NELL1: variants seen among roughly 807,000 people sequenced by gnomAD.
NELL1 encodes protein kinase C-binding protein NELL1.
Under a neutral mutation model 107.4 loss-of-function variants are expected in NELL1, and 76 were observed. The ratio of observed to expected loss-of-function variants is 0.71; its 90% CI spans 0.59 to 0.86. The LOEUF (loss-of-function observed/expected upper bound fraction) is 0.86. NELL1 is among the 40% of genes least tolerant of loss of function. The probability of loss-of-function intolerance (pLI) is 0.00; values close to 1 mark genes in which losing one functional copy is unlikely to be tolerated. For missense variants in NELL1, 1,024 were observed against 1,005.5 expected, an observed-to-expected ratio of 1.02 and a Z score of -0.25; for synonymous variants, 353 against 341.2, an observed-to-expected ratio of 1.03 and a Z score of -0.38.
chr11:21,023,430 T>C (rs1852745659), intron 12 of NELL1, among the ~76,000 whole-genome samples: 1 of 152,108 alleles, frequency 6.6e-6, no homozygotes. Flanking sequence ...GATTCAAAAT[T>C]ATGTGAATCT....
At position 21,534,415 on chromosome 11, in the gene NELL1, C is replaced by T. The variant is rs1282354963; in HGVS notation, c.1687C>T (p.His563Tyr). Residue 563 changes from histidine (H) to tyrosine (Y), a missense_variant, in exon 16 of 20, where the codon CAT becomes TAT. His to Tyr is a moderately conservative substitution (Grantham distance 83). Transcript: ENST00000357134. ...CSEGIIECHN[H>Y]SRCVNLPGWY... ...AGAGGGAATCATTGAGTGCCACAAC[C>T]ATTCCCGCTGCGTTAACCTGCCAGG... 4 of 1,613,864 alleles carry T rather than the reference C, an allele frequency of 2.5e-6. No homozygotes were observed. Among genetic ancestry groups the T allele is most frequent in the Admixed American group, 1.7e-5 (1 of 59,994 alleles).
chr11:21,348,313 TTTAG>T (rs1461404542), intron 14 of NELL1, among the ~76,000 whole-genome samples: 2 of 152,164 alleles, frequency 1.3e-5, no homozygotes, highest in East Asian at 1.9e-4. Flanking sequence ...TTGACATCCT[TTTAG>T]TTAGTCACTG....
At chr11:21,051,981 CAG>C (rs1853504211) in intron 12 of NELL1, among the ~76,000 whole-genome samples, 1 of 152,036 alleles carries the variant, frequency 6.6e-6, no homozygotes, top group Non-Finnish European at 1.5e-5. Flanking sequence ...AAAAATACAG[CAG>C]AGTCAGGGAG....
At chr11:21,249,130 G>C (rs911529126) in intron 14 of NELL1, among the ~76,000 whole-genome samples, 6 of 152,122 alleles carry the variant, frequency 3.9e-5, no homozygotes, top group African/African-American at 1.2e-4. Context: ...ACTGCTTGTA[G>C]GGTAACTCAG....
chr11:21,159,109 A>G (rs1856307366), intron 13 of NELL1, among the ~76,000 whole-genome samples: 1 of 152,150 alleles, frequency 6.6e-6, no homozygotes, highest in Non-Finnish European at 1.5e-5. Context: ...CTTCTCTGCC[A>G]GAGTGTCCAT....
At chr11:21,515,451 A>G (rs144843958) in intron 15 of NELL1, among the ~76,000 whole-genome samples, 187 of 152,308 alleles carry the variant, frequency 1.2e-3, no homozygotes, top group African/African-American at 4.4e-3. Context: ...ACCTGCCACT[A>G]ACTTTCTTCT....
intron 12 of NELL1, among the ~76,000 whole-genome samples, chr11:21,013,186 A>G (rs769739536): frequency 1.3e-5 from 2 of 152,192 alleles, no homozygotes; most frequent in African/African-American, 2.4e-5. Flanking sequence ...TTTTACTGTC[A>G]CAATTTTATC....
intron 2 of NELL1, among the ~76,000 whole-genome samples, chr11:20,693,164 T>G (rs1371981607): frequency 6.6e-6 from 1 of 151,986 alleles, no homozygotes; most frequent in Non-Finnish European, 1.5e-5. Flanking sequence ...TCCTTTTATT[T>G]TGAGCCTATG....
intron 12 of NELL1, among the ~76,000 whole-genome samples, chr11:21,007,698 G>A (rs1467462903): frequency 6.6e-6 from 1 of 151,940 alleles, no homozygotes; most frequent in African/African-American, 2.4e-5. Flanking sequence ...ACTTGCAATT[G>A]TAGGTGCTAT....
chr11:21,069,063 C>A (rs1268793287), intron 12 of NELL1, among the ~76,000 whole-genome samples: 3 of 152,146 alleles, frequency 2.0e-5, no homozygotes, highest in Non-Finnish European at 2.9e-5. Context: ...CTTGTGGAAA[C>A]ACTCCATTTG....
chr11:20,726,559 C>T (rs1346642601), intron 2 of NELL1, among the ~76,000 whole-genome samples: 1 of 151,930 alleles, frequency 6.6e-6, no homozygotes, highest in African/African-American at 2.4e-5. Context: ...AAAAAAAACA[C>T]TCAATATTAT....
intron 4 of NELL1, among the ~76,000 whole-genome samples, chr11:20,858,304 G>A (rs1441041996): frequency 3.9e-5 from 6 of 152,160 alleles, no homozygotes; most frequent in Admixed American, 2.6e-4. Context: ...TCTAGCCAGA[G>A]CACTGCTGCT....
intron 13 of NELL1, among the ~76,000 whole-genome samples, chr11:21,187,128 T>C (rs1007630732): frequency 6.6e-6 from 1 of 151,938 alleles, no homozygotes; most frequent in African/African-American, 2.4e-5. Context: ...TTTTGTCCAT[T>C]TGCACTAAAG....
chr11:20,948,411 C>T (rs1313332571), intron 11 of NELL1, among the ~76,000 whole-genome samples: 1 of 151,844 alleles, frequency 6.6e-6, no homozygotes, highest in African/African-American at 2.4e-5. Context: ...TACATGTGAT[C>T]TTTTGATACA....
chr11:20,971,265 T>G (rs1044548067), intron 12 of NELL1, among the ~76,000 whole-genome samples: 2 of 152,150 alleles, frequency 1.3e-5, no homozygotes, highest in African/African-American at 4.8e-5. Flanking sequence ...ATTTTAGGAC[T>G]TTAGCATATC....
intron 13 of NELL1, among the ~76,000 whole-genome samples, chr11:21,175,846 G>A (rs1856701107): frequency 6.6e-6 from 1 of 151,778 alleles, no homozygotes; most frequent in Non-Finnish European, 1.5e-5. Context: ...TGAAAAAGTT[G>A]AGGCTTTGTG....
At chr11:21,024,373 A>G (rs2134306999) in intron 12 of NELL1, among the ~76,000 whole-genome samples, 1 of 152,264 alleles carries the variant, frequency 6.6e-6, no homozygotes, top group East Asian at 1.9e-4. Flanking sequence ...GAGTCTTTGA[A>G]AATCTGTCAG....
At chr11:21,303,108 C>CTATATCTATATA (rs1224603123) in intron 14 of NELL1, among the ~76,000 whole-genome samples, 5 of 132,080 alleles carry the variant, frequency 3.8e-5, no homozygotes, top group African/African-American at 1.3e-4. Flanking sequence ...ATATCTATAT[C>CTATATCTATATA]TATATCTATC....
chr11:21,480,377 A>G (rs1854462363), intron 15 of NELL1, among the ~76,000 whole-genome samples: 1 of 152,200 alleles, frequency 6.6e-6, no homozygotes, highest in Non-Finnish European at 1.5e-5. Context: ...GAGAAGTTAC[A>G]GCAGCAGGAC....
Sources: gnomAD v4.1 joint callset for allele counts (sites outside exome capture counted in the v4.1 genomes callset) on GRCh38, gnomAD v4.1.1 for gene constraint, MANE v1.5 for transcripts, NCBI Gene and HGNC (gene_info 2026-07-23, HGNC 2026-07-21) for gene names.